The following NPR3 variants were observed in gnomAD, a reference collection of about 807,000 sequenced individuals.
NPR3 encodes atrial natriuretic peptide receptor 3.
In NPR3, 34 loss-of-function variants were observed where a neutral mutation model predicts 54.5. The observed-to-expected ratio is 0.62, with a 90% CI of 0.47 to 0.83. The LOEUF is 0.83. Among genes scored for constraint, NPR3 ranks in the 40% least tolerant of loss-of-function variants. The pLI, the probability that NPR3 is intolerant of heterozygous loss-of-function variation, is 0.00. For synonymous variants in NPR3, 289 were observed against 297.1 expected, an observed-to-expected ratio of 0.97 and a Z score of 0.28; for missense variants, 674 against 720.8, an observed-to-expected ratio of 0.94 and a Z score of 0.74.
intron 3 of NPR3, among the ~76,000 whole-genome samples, chr5:32,769,354 A>G (rs114926540): frequency 0.068 from 10,407 of 152,254 alleles, 501 homozygotes; most frequent in Middle Eastern, 0.12. Flanking sequence ...TCCTTCTGCT[A>G]TCTACCACCT....
At chr5:32,719,604 C>T (rs1330704758) in intron 1 of NPR3, among the ~76,000 whole-genome samples, 1 of 152,066 alleles carries the variant, frequency 6.6e-6, no homozygotes, top group African/African-American at 2.4e-5. Flanking sequence ...CTCAATAGGC[C>T]TCTTTTATCC....
chr5:32,782,902 G>A lies in NPR3; in HGVS notation c.1300G>A (p.Asp434Asn). The stretch of plus-strand genomic sequence containing the variant: ...TTTTGCCTCTATATAGGTTATTGGT[G>A]ATTATTTTGGAAAAGAAGGTCGTTT... Reference protein sequence around the residue: ...VEAGTQEVIGDYFGKEGRFEM... With the variant: ...VEAGTQEVIGNYFGKEGRFEM... Residue 434 changes from aspartate to asparagine, a missense_variant, in exon 6 of 8, where the codon GAT becomes AAT. Physicochemically the swap from Asp to Asn is conservative, Grantham distance 23 (BLOSUM62 1). Coordinates refer to ENST00000265074, the MANE Select transcript of NPR3 (RefSeq NM_001204375.2). 1 of 1,611,182 alleles carries A rather than the reference G, an allele frequency of 6.2e-7. No homozygotes were observed. Among genetic ancestry groups the A allele is most frequent in the Non-Finnish European group, 8.5e-7 (1 of 1,178,568 alleles).
chr5:32,704,253 A>G (rs1014778122), intron 1 of NPR3, among the ~76,000 whole-genome samples: 3 of 152,162 alleles, frequency 2.0e-5, no homozygotes, highest in African/African-American at 4.8e-5. Flanking sequence ...GGCATTGGCA[A>G]TTCAAGGCTG....
At chr5:32,693,146 C>T (rs1032467153) in intron 1 of NPR3, among the ~76,000 whole-genome samples, 27 of 151,952 alleles carry the variant, frequency 1.8e-4, no homozygotes, top group African/African-American at 6.0e-4. Context: ...TCTTTGATCT[C>T]TTATATTGTT....
chr5:32,744,011 T>TTTTTC (rs1740171228), intron 3 of NPR3, among the ~76,000 whole-genome samples: 1 of 135,064 alleles, frequency 7.4e-6, no homozygotes, highest in African/African-American at 2.8e-5. Context: ...TTTTTTTTTT[T>TTTTTC]GAGACAGAGT....
At chr5:32,726,281 A>T (rs1010051376) in intron 2 of NPR3, among the ~76,000 whole-genome samples, 1 of 152,198 alleles carries the variant, frequency 6.6e-6, no homozygotes, top group Non-Finnish European at 1.5e-5. Flanking sequence ...ATCATTGTGC[A>T]TATACAGATA....
intron 3 of NPR3, among the ~76,000 whole-genome samples, chr5:32,765,997 GA>G (rs1340732551): frequency 2.0e-5 from 3 of 152,174 alleles, no homozygotes; most frequent in Non-Finnish European, 2.9e-5. Context: ...GTTGCGGGGG[GA>G]ACTGCCTGTG....
chr5:32,725,508 A>T (rs1739095569), intron 2 of NPR3, among the ~76,000 whole-genome samples: 1 of 152,206 alleles, frequency 6.6e-6, no homozygotes, highest in Admixed American at 6.5e-5. Context: ...CCAAATGGTC[A>T]TAAATCCAGG....
intron 3 of NPR3, among the ~76,000 whole-genome samples, chr5:32,763,757 C>T (rs1433336197): frequency 6.6e-6 from 1 of 152,152 alleles, no homozygotes; most frequent in Non-Finnish European, 1.5e-5. Context: ...ACCTCTCCAG[C>T]CCCCGCATGT....
chr5:32,709,528 T>G (rs1738102016), upstream of NPR3: 2 of 152,064 alleles, frequency 1.3e-5, no homozygotes, highest in Non-Finnish European at 2.9e-5. Flanking sequence ...TTACCCTGTT[T>G]GTGGAATTAA....
Position 32,711,699 on chromosome 5 carries a change from G to C in NPR3, c.-78G>C. ...GCGCAGGGACCTTGGAGAGAAGAGT[G>C]GGGAGGAAAGAGGAAGGGTGGGTGG... On this transcript the variant is annotated 5_prime_UTR_variant, in exon 1 of 8. Coordinates refer to ENST00000265074, the MANE Select transcript of NPR3 (RefSeq NM_001204375.2). The C allele has an allele frequency of 7.2e-7, 1 of 1,384,812 alleles. No homozygotes were observed. Among genetic ancestry groups the C allele is most frequent in the South Asian group, 1.9e-5 (1 of 53,882 alleles). The allele number at this position is 1,384,812 out of a possible 1,614,324, so 85.8% of individuals were successfully genotyped here.
upstream of NPR3, among the ~76,000 whole-genome samples, chr5:32,706,594 G>C (rs1207706459): frequency 6.6e-6 from 1 of 152,184 alleles, no homozygotes; most frequent in Non-Finnish European, 1.5e-5. Context: ...AGAAATGTCT[G>C]GGAAAGTTTC....
intron 3 of NPR3, among the ~76,000 whole-genome samples, chr5:32,767,254 T>G (rs1741521517): frequency 6.6e-6 from 1 of 152,212 alleles, no homozygotes; most frequent in South Asian, 2.1e-4. Context: ...CAAGCCAGCT[T>G]TAGACTCTTA....
chr5:32,711,607 C>A lies in NPR3; in HGVS notation c.-170C>A, dbSNP rs1465403320. 1.8e-5 allele frequency: 23 copies of A among 1,245,930 alleles called. No individual in the cohort carries two copies. The highest frequency in any genetic ancestry group is 2.1e-5 in the Non-Finnish European group (21 of 999,112). The allele number at this position is 1,245,930 out of a possible 1,614,324, so 77.2% of individuals were successfully genotyped here. On this transcript the variant is annotated 5_prime_UTR_variant, in exon 1 of 8. Coordinates refer to ENST00000265074, the MANE Select transcript of NPR3 (RefSeq NM_001204375.2). ...AAACTAGTGACATTGCAGAGAAGGA[C>A]GCTTCCTCTCTATCTTTTGGCGCAT...
In NPR3 at chr5:32,787,497, A is replaced by G. The variant is rs1003984413; in HGVS notation, c.*1152A>G. 2 of 152,216 alleles carry G rather than the reference A, an allele frequency of 1.3e-5. No individual in the cohort carries two copies. The highest frequency in any genetic ancestry group is 2.4e-5 in the African/African-American group (1 of 41,448). The allele number at this position is 152,216 out of a possible 1,614,324, so 9.4% of individuals were successfully genotyped here. ...AAGAACAACTTTGTTGAGAGTTACT[A>G]CTTGACAGCAAGCACAGAAATGACA... On this transcript the variant is annotated 3_prime_UTR_variant, in exon 8 of 8. Transcript: ENST00000265074.
chr5:32,776,021 T>G (rs955425272), intron 4 of NPR3, among the ~76,000 whole-genome samples: 3 of 152,224 alleles, frequency 2.0e-5, no homozygotes, highest in Non-Finnish European at 4.4e-5. Flanking sequence ...CTGAAAACTT[T>G]CCTTCCCAAC....
intron 3 of NPR3, among the ~76,000 whole-genome samples, chr5:32,747,441 C>T (rs935515431): frequency 2.6e-5 from 4 of 151,994 alleles, no homozygotes; most frequent in African/African-American, 9.7e-5. Flanking sequence ...ATAGTAGAAC[C>T]ATATAGTATT....
chr5:32,754,770 TTA>T (rs1392016562), intron 3 of NPR3, among the ~76,000 whole-genome samples: 1 of 152,230 alleles, frequency 6.6e-6, no homozygotes, highest in African/African-American at 2.4e-5. Flanking sequence ...CCTTTATTAA[TTA>T]TTTCTTCTAC....
At chr5:32,773,480 A>G (rs959604381) in intron 3 of NPR3, among the ~76,000 whole-genome samples, 1 of 152,062 alleles carries the variant, frequency 6.6e-6, no homozygotes, top group African/African-American at 2.4e-5. Context: ...TTACCTCTCC[A>G]TCTTGGTGTG....
Sources: allele counts gnomAD v4.1 joint callset (sites outside exome capture counted in the v4.1 genomes callset), GRCh38; gene constraint gnomAD v4.1.1; transcripts MANE v1.5; gene names NCBI Gene and HGNC (gene_info 2026-07-23, HGNC 2026-07-21).